ROBO2: variants seen among roughly 807,000 people sequenced by gnomAD.
ROBO2 encodes roundabout guidance receptor 2.
Under a neutral mutation model 160.8 loss-of-function variants are expected in ROBO2, and 53 were observed. The observed-to-expected ratio is 0.33, with a 90% confidence interval of 0.26 to 0.41. The LOEUF is 0.41. Among genes scored for constraint, ROBO2 ranks in the 10% least tolerant of loss-of-function variants. ROBO2 has a pLI of 1.00. For missense variants in ROBO2, 1,577 were observed against 1,722.4 expected (o/e 0.92, Z 1.49); for synonymous variants, 664 against 611.7 (o/e 1.09, Z -1.26).
At chr3:77,452,999 T>G (rs1039165433) in intron 2 of ROBO2, among the ~76,000 whole-genome samples, 23 of 152,148 alleles carry the variant, frequency 1.5e-4, no homozygotes, top group Admixed American at 1.5e-3. Flanking sequence ...ATCTCATGTC[T>G]TCAGCTACTA....
intron 2 of ROBO2, among the ~76,000 whole-genome samples, chr3:77,269,882 T>C (rs1038826927): frequency 6.6e-6 from 1 of 152,168 alleles, no homozygotes; most frequent in East Asian, 1.9e-4. Flanking sequence ...CTAGAATGTG[T>C]TGTTTCTTTT....
intron 1 of ROBO2, among the ~76,000 whole-genome samples, chr3:77,088,026 G>A (rs2069580853): frequency 6.6e-6 from 1 of 152,028 alleles, no homozygotes; most frequent in Non-Finnish European, 1.5e-5. Context: ...CCTGTCACTG[G>A]GGCCCACTTG....
chr3:76,883,289 C>T (rs1221174154), intron 2 of ROBO2, among the ~76,000 whole-genome samples: 2 of 152,160 alleles, frequency 1.3e-5, no homozygotes, highest in African/African-American at 4.8e-5. Context: ...AAAAAGTAGA[C>T]TTCTACATCA....
intron 2 of ROBO2, among the ~76,000 whole-genome samples, chr3:76,170,339 T>C (rs745993632): frequency 3.9e-5 from 6 of 152,196 alleles, no homozygotes; most frequent in Non-Finnish European, 7.3e-5. Context: ...AATAGTTGAA[T>C]TAAATGTAGA....
rs186121344 is a variant in ROBO2 at position 76,587,032 on chromosome 3, G to A, written c.110-510982G>A. Among the ~76,000 whole-genome samples the A allele has an allele frequency of 3.6e-4, 55 of 152,138 alleles. 2 individuals are homozygous for A. Among genetic ancestry groups the A allele is most frequent in the Admixed American group, 3.2e-3 (49 of 15,292 alleles). Reference sequence around the variant, plus strand: ...GAAATATGCTTCTTTTTAAATTGTTGAGCCCAGATACATGATACAATTGCT... The same window carrying A: ...GAAATATGCTTCTTTTTAAATTGTTAAGCCCAGATACATGATACAATTGCT... On this transcript the variant is annotated intron_variant, in intron 2 of 26. Transcript: ENST00000487694.
At chr3:76,669,794 T>G (rs2092194159) in intron 2 of ROBO2, among the ~76,000 whole-genome samples, 1 of 152,216 alleles carries the variant, frequency 6.6e-6, no homozygotes, top group African/African-American at 2.4e-5. Context: ...CAATATTTAT[T>G]AATTTAATTA....
At position 76,495,862 on chromosome 3, in the gene ROBO2, T is replaced by C. The variant is rs1577638805; in HGVS notation, c.109+558260T>C. ...ATTTAGAAAAGTGATGGACATTTCT[T>C]ACTACAATGATGCATGGTTTTATGT... On this transcript the variant is annotated intron_variant, in intron 2 of 26. Transcript: ENST00000487694. Among the ~76,000 whole-genome samples, 3 of 152,336 alleles carry C rather than the reference T, an allele frequency of 2.0e-5. No individual in the cohort carries two copies. In the Middle Eastern group the frequency reaches 0.01, roughly 518 times the overall value.
At chr3:77,615,365 A>G (rs2094748697) in intron 21 of ROBO2, among the ~76,000 whole-genome samples, 1 of 152,074 alleles carries the variant, frequency 6.6e-6, no homozygotes, top group East Asian at 1.9e-4. Context: ...TAGAGTCCAT[A>G]GTTTACATTA....
intron 2 of ROBO2, among the ~76,000 whole-genome samples, chr3:77,011,604 G>T (rs1329503523): frequency 6.6e-6 from 1 of 151,870 alleles, no homozygotes; most frequent in Non-Finnish European, 1.5e-5. Context: ...ATCCTAGTTG[G>T]CTGCAGCCCT....
chr3:77,255,924 T>A (rs2058381738), intron 2 of ROBO2, among the ~76,000 whole-genome samples: 1 of 152,188 alleles, frequency 6.6e-6, no homozygotes, highest in African/African-American at 2.4e-5. Context: ...ACGTGACCAA[T>A]GGTGTTTCTG....
intron 2 of ROBO2, among the ~76,000 whole-genome samples, chr3:76,430,420 G>T (rs749607407): frequency 6.6e-6 from 1 of 152,000 alleles, no homozygotes; most frequent in Admixed American, 6.6e-5. Context: ...TCTCACAAAT[G>T]CCAGCTGTTT....
intron 2 of ROBO2, among the ~76,000 whole-genome samples, chr3:76,979,577 GTGTA>G (rs2059986993): frequency 6.6e-6 from 1 of 151,532 alleles, no homozygotes; most frequent in Non-Finnish European, 1.5e-5. Flanking sequence ...TGGTATTGGG[GTGTA>G]TGTGTGTGTG....
chr3:76,975,620 A>G (rs925964735), intron 2 of ROBO2, among the ~76,000 whole-genome samples: 3 of 152,096 alleles, frequency 2.0e-5, no homozygotes, highest in South Asian at 2.1e-4. Context: ...GTTTTCCCGA[A>G]GCTTTCTTTT....
At chr3:77,233,635 T>C (rs991234851) in intron 2 of ROBO2, among the ~76,000 whole-genome samples, 6 of 152,234 alleles carry the variant, frequency 3.9e-5, no homozygotes, top group Non-Finnish European at 8.8e-5. Flanking sequence ...GTATCCCATG[T>C]TAACTGTATA....
At chr3:76,358,532 A>G (rs1484398355) in intron 2 of ROBO2, among the ~76,000 whole-genome samples, 1 of 152,050 alleles carries the variant, frequency 6.6e-6, no homozygotes, top group African/African-American at 2.4e-5. Context: ...TTCTATGCCT[A>G]GTTGTATTAC....
intron 2 of ROBO2, among the ~76,000 whole-genome samples, chr3:77,028,941 T>C (rs920346620): frequency 6.6e-6 from 1 of 152,232 alleles, no homozygotes; most frequent in Non-Finnish European, 1.5e-5. Context: ...AAGGTTTTGG[T>C]ACAACACAAG....
At chr3:76,842,485 C>A (rs1468887172) in intron 2 of ROBO2, among the ~76,000 whole-genome samples, 2 of 152,182 alleles carry the variant, frequency 1.3e-5, no homozygotes, top group African/African-American at 2.4e-5. Flanking sequence ...AACTGGACTA[C>A]CAGTTCTGCT....
chr3:76,107,938 G>A (rs2070021058), intron 2 of ROBO2, among the ~76,000 whole-genome samples: 2 of 152,066 alleles, frequency 1.3e-5, no homozygotes, highest in Admixed American at 1.3e-4. Flanking sequence ...GCCATTTTAT[G>A]TGAAGGCATA....
chr3:76,146,437 C>A (rs1325963679), intron 2 of ROBO2, among the ~76,000 whole-genome samples: 1 of 151,842 alleles, frequency 6.6e-6, no homozygotes, highest in Non-Finnish European at 1.5e-5. Flanking sequence ...TGAACAAATC[C>A]TTTTTCCTCT....
Sources: allele counts gnomAD v4.1 joint callset (sites outside exome capture counted in the v4.1 genomes callset), GRCh38; gene constraint gnomAD v4.1.1; transcripts MANE v1.5; gene names NCBI Gene and HGNC (gene_info 2026-07-23, HGNC 2026-07-21).